ATP9B: variants seen among roughly 807,000 people sequenced by gnomAD.
The protein encoded by ATP9B is probable phospholipid-transporting ATPase IIB.
In ATP9B, 110 loss-of-function variants were observed where a neutral mutation model predicts 146.1. The observed-to-expected ratio is 0.75, with a 90% CI of 0.65 to 0.88. The LOEUF (loss-of-function observed/expected upper bound fraction) is 0.88, where lower values mean the gene tolerates loss of function less well. ATP9B is among the 40% of genes least tolerant of loss of function. The pLI, the probability that ATP9B is intolerant of heterozygous loss-of-function variation, is 0.00. For missense variants in ATP9B, 1,499 were observed against 1,496.4 expected (o/e 1.00, Z -0.03); for synonymous variants, 604 against 569.7 (o/e 1.06, Z -0.86).
intron 12 of ATP9B, among the ~76,000 whole-genome samples, chr18:79,275,529 T>C (rs2096298073): frequency 6.6e-6 from 1 of 152,386 alleles, no homozygotes; most frequent in Admixed American, 6.5e-5. Flanking sequence ...AACACTCCTC[T>C]GAACATTTGG....
At chr18:79,314,641 TATG>T (rs1355098120) in intron 15 of ATP9B, among the ~76,000 whole-genome samples, 8 of 152,226 alleles carry the variant, frequency 5.3e-5, no homozygotes, top group Non-Finnish European at 1.2e-4. Flanking sequence ...CATTGTTTCT[TATG>T]ATAAGTGATC....
At chr18:79,114,308 G>A (rs991796795) in intron 4 of ATP9B, among the ~76,000 whole-genome samples, 10 of 152,230 alleles carry the variant, frequency 6.6e-5, no homozygotes, top group Admixed American at 2.0e-4. Context: ...ATGACCCGAG[G>A]AATCTAGGTA....
At chr18:79,332,909 C>G (rs1335881577) in intron 17 of ATP9B, 1 of 152,332 alleles carries the variant, frequency 6.6e-6, no homozygotes, top group African/African-American at 2.4e-5. Context: ...AGACCCACGC[C>G]TCTCCTCCAG....
chr18:79,296,265 C>T (rs1000167742), intron 13 of ATP9B, among the ~76,000 whole-genome samples: 10 of 152,244 alleles, frequency 6.6e-5, no homozygotes, highest in African/African-American at 2.2e-4. Context: ...ATCTTCCTAT[C>T]TTGGTCTCCC....
chr18:79,200,792 A>AC (rs1568389307), intron 9 of ATP9B, among the ~76,000 whole-genome samples: 2 of 1,366 alleles, frequency 1.5e-3, no homozygotes, highest in East Asian at 0.013. Context: ...TAGTGGTGGA[A>AC]TTGTTTTCAT....
At position 79,096,614 on chromosome 18, in the gene ATP9B, G is replaced by A; in HGVS notation, c.258G>A (p.Trp86Ter). The A allele has an allele frequency of 6.2e-7, 1 of 1,613,884 alleles. No homozygotes were observed. Among genetic ancestry groups the A allele is most frequent in the Non-Finnish European group, 8.5e-7 (1 of 1,179,922 alleles). The change falls in exon 2 of 30, where the codon TGG becomes TGA. Residue 86 changes from tryptophan (W) to a stop codon, truncating the protein, a stop_gained. Transcript: ENST00000426216. LOFTEE classifies it high-confidence loss of function. ...TGCAAAGGAAAAGAGGACTGGAGTG[G>A]TTTGTCTGTGATGGCTGGAAGTTCC... ...RIMQRKRGLE[W>*]FVCDGWKFLC...
intron 29 of ATP9B, chr18:79,375,899 A>G (rs899567905): frequency 1.6e-5 from 16 of 985,258 alleles, no homozygotes; most frequent in African/African-American, 3.5e-5. Context: ...GATTTCCACT[A>G]TATGTAGATT....
intron 1 of ATP9B, among the ~76,000 whole-genome samples, chr18:79,072,746 C>T (rs1182303480): frequency 8.5e-6 from 1 of 117,158 alleles, no homozygotes; most frequent in African/African-American, 3.0e-5. Flanking sequence ...GGGGGCGCCC[C>T]CCACCTCCCA....
At chr18:79,319,925 A>T (rs2096705885) in intron 15 of ATP9B, among the ~76,000 whole-genome samples, 1 of 152,174 alleles carries the variant, frequency 6.6e-6, no homozygotes, top group Admixed American at 6.5e-5. Flanking sequence ...TTTTATATGC[A>T]AATAAATGGT....
intron 12 of ATP9B, among the ~76,000 whole-genome samples, chr18:79,267,216 A>G (rs1568534457): frequency 6.6e-6 from 1 of 151,986 alleles, no homozygotes; most frequent in Non-Finnish European, 1.5e-5. Flanking sequence ...GTTTGTTCAT[A>G]TTTTCCTGTT....
intron 12 of ATP9B, among the ~76,000 whole-genome samples, chr18:79,255,586 C>T (rs1025439153): frequency 6.6e-6 from 1 of 152,222 alleles, no homozygotes. Flanking sequence ...TTTCTGCCAG[C>T]TGGAATGCCT....
intron 8 of ATP9B, among the ~76,000 whole-genome samples, chr18:79,187,903 A>G (rs2095323641): frequency 6.6e-6 from 1 of 152,228 alleles, no homozygotes; most frequent in African/African-American, 2.4e-5. Context: ...ATGCCATATC[A>G]ATTTTAGGTG....
intron 1 of ATP9B, among the ~76,000 whole-genome samples, chr18:79,092,196 G>A (rs1188114828): frequency 1.3e-5 from 2 of 152,162 alleles, no homozygotes; most frequent in Non-Finnish European, 2.9e-5. Flanking sequence ...CTCCAGAAAT[G>A]TGTTTGGCAA....
chr18:79,166,257 A>G (rs915267251), intron 7 of ATP9B, among the ~76,000 whole-genome samples: 4 of 152,202 alleles, frequency 2.6e-5, no homozygotes, highest in Non-Finnish European at 5.9e-5. Flanking sequence ...CAGAAGCTTC[A>G]TGGAGAGTCC....
chr18:79,183,017 C>T (rs538561262), intron 8 of ATP9B, among the ~76,000 whole-genome samples: 3 of 152,156 alleles, frequency 2.0e-5, no homozygotes, highest in Non-Finnish European at 2.9e-5. Flanking sequence ...CTGCATTGGC[C>T]ATCAGAGCAT....
intron 8 of ATP9B, among the ~76,000 whole-genome samples, chr18:79,184,749 A>G (rs1222747726): frequency 1.3e-5 from 2 of 152,120 alleles, no homozygotes; most frequent in African/African-American, 4.8e-5. Context: ...TAAAGGGATA[A>G]TATGAGTCCT....
intron 9 of ATP9B, among the ~76,000 whole-genome samples, chr18:79,203,437 C>G (rs1388410996): frequency 6.6e-6 from 1 of 152,210 alleles, no homozygotes; most frequent in African/African-American, 2.4e-5. Flanking sequence ...AAAGGAGACT[C>G]AGAGTAACCA....
intron 9 of ATP9B, among the ~76,000 whole-genome samples, chr18:79,197,360 CAATAAA>C (rs1220344510): frequency 6.6e-6 from 1 of 150,462 alleles, no homozygotes; most frequent in Admixed American, 6.6e-5. Flanking sequence ...ATATATATAG[CAATAAA>C]AATAAAAATG....
At position 79,126,315 on chromosome 18, in the gene ATP9B, C is replaced by G. The variant is rs200431802; in HGVS notation, c.607C>G (p.Arg203Gly). The G allele has an allele frequency of 3.7e-6, 6 of 1,611,542 alleles. No individual in the cohort carries two copies. The highest frequency in any genetic ancestry group is 4.2e-6 in the Non-Finnish European group (5 of 1,178,420). The part of the protein sequence containing the change: ...TMTREAIDEF[R>G]RFQRDKEVNS... ...GACACGGGAAGCAATTGATGAATTT[C>G]GGCGTTTTCAGCGTGACAAGGAAGT... Residue 203 changes from arginine (R) to glycine (G), a missense_variant, in exon 5 of 30, where the codon CGG (arginine) becomes GGG (glycine). Coordinates refer to ENST00000426216, the MANE Select transcript of ATP9B (RefSeq NM_198531.5).
Sources: gnomAD v4.1 joint callset for allele counts (sites outside exome capture counted in the v4.1 genomes callset) on GRCh38, gnomAD v4.1.1 for gene constraint, MANE v1.5 for transcripts, NCBI Gene and HGNC (gene_info 2026-07-23, HGNC 2026-07-21) for gene names.